The following DNAJC13 variants were observed in gnomAD, a reference collection of about 807,000 sequenced individuals.
DNAJC13 encodes DnaJ heat shock protein family (Hsp40) member C13, also known as dnaJ homolog subfamily C member 13.
A neutral mutation model predicts 290.5 loss-of-function variants in DNAJC13; 75 were observed. That is an observed-to-expected ratio of 0.26 (90% CI 0.21 to 0.31). The LOEUF (loss-of-function observed/expected upper bound fraction) is 0.31. DNAJC13 is among the 10% of genes least tolerant of loss of function. The pLI, the probability that DNAJC13 is intolerant of heterozygous loss-of-function variation, is 1.00. For missense variants in DNAJC13, 2,260 were observed against 2,674.5 expected, an observed-to-expected ratio of 0.85 and a Z score of 3.42; for synonymous variants, 862 against 892.0, an observed-to-expected ratio of 0.97 and a Z score of 0.60.
intron 37 of DNAJC13, among the ~76,000 whole-genome samples, chr3:132,499,520 A>G (rs1040759586): frequency 6.6e-6 from 1 of 152,224 alleles, no homozygotes; most frequent in Admixed American, 6.5e-5. Context: ...CAAAACCGAT[A>G]ATGGTAATAT....
chr3:132,447,746 T>C lies in DNAJC13; in HGVS notation c.295-152T>C, dbSNP rs1216649686. 5.8e-6 allele frequency: 4 copies of C among 692,872 alleles called. No homozygotes were observed. The African/African-American group carries it at 7.5e-5, about 13-fold the overall frequency. The allele number at this position is 692,872 out of a possible 1,614,324, so 42.9% of individuals were successfully genotyped here. A position where few individuals can be genotyped will look rare whatever the true frequency, so the allele number is the denominator to read the frequency against. ...TTCTTCAATAAGGTTTCATACTCTTTTTATTGAATATTCTTAAACTATAAC... is the reference window on the plus strand; with the variant it reads ...TTCTTCAATAAGGTTTCATACTCTTCTTATTGAATATTCTTAAACTATAAC... On this transcript the variant is annotated intron_variant, in intron 4 of 55. Transcript: ENST00000260818.
At chr3:132,429,404 TTAC>T (rs2107644774) in intron 1 of DNAJC13, among the ~76,000 whole-genome samples, 1 of 152,270 alleles carries the variant, frequency 6.6e-6, no homozygotes, top group East Asian at 1.9e-4. Context: ...GCCCAATCGC[TTAC>T]CAGCTGTGTT....
rs770489752 is a variant in DNAJC13 at position 132,511,083 on chromosome 3, C to T, written c.5132C>T (p.Ala1711Val). The T allele has an allele frequency of 1.1e-5, 17 of 1,613,608 alleles. No individual in the cohort carries two copies. In the South Asian group the frequency reaches 1.6e-4, roughly 16 times the overall value. Residue 1711 changes from alanine to valine, a missense_variant, in exon 44 of 56, where the codon GCT becomes GTT. This residue lies in a region of DNAJC13 where 1,494 missense variants were observed against 1,693.7 expected (regional missense o/e 0.88). Transcript: ENST00000260818. Reference protein sequence around the residue: ...TFQLEVPKAFAASLLDYIGSQ... With the variant: ...TFQLEVPKAFVASLLDYIGSQ... The stretch of plus-strand genomic sequence containing the variant: ...ATTGATTAGGTTCCAAAAGCATTTG[C>T]TGCAAGTCTCTTGGATTATATAGGC...
At chr3:132,504,944 C>G (rs1194631255) in intron 41 of DNAJC13, among the ~76,000 whole-genome samples, 1 of 152,102 alleles carries the variant, frequency 6.6e-6, no homozygotes, top group African/African-American at 2.4e-5. Flanking sequence ...TGTTGTGATT[C>G]TTTTCAAGCT....
At chr3:132,491,992 C>T (rs1473313927) in intron 32 of DNAJC13, among the ~76,000 whole-genome samples, 1 of 152,136 alleles carries the variant, frequency 6.6e-6, no homozygotes, top group Admixed American at 6.5e-5. Context: ...ACGAATTGCT[C>T]TATGTGCTGA....
In DNAJC13 at chr3:132,523,148, T is replaced by C. The variant is rs1936143171; in HGVS notation, c.5844-9T>C. On this transcript the variant is annotated splice_polypyrimidine_tract_variant and intron_variant, in intron 49 of 55. Transcript: ENST00000260818. ...TGAAGTTTGGTATCCATCCCTTTTTTTCCCCAAGGCACTTTAAAAATCAGC... is the reference window on the plus strand; with the variant it reads ...TGAAGTTTGGTATCCATCCCTTTTTCTCCCCAAGGCACTTTAAAAATCAGC... 1.2e-6 allele frequency: 2 copies of C among 1,613,936 alleles called. No homozygotes were observed. The highest frequency in any genetic ancestry group is 1.7e-6 in the Non-Finnish European group (2 of 1,179,886).
In DNAJC13 at chr3:132,466,402, T is replaced by C; in HGVS notation, c.2064+8T>C. On this transcript the variant is annotated splice_region_variant and intron_variant, in intron 19 of 55. Transcript: ENST00000260818. ...AATGTGAAAATAGCAATGGTAAATA[T>C]GACTGTCCCAAGTGTGCCTTTTTTA... 2 of 1,582,036 alleles carry C rather than the reference T, an allele frequency of 1.3e-6. No individual in the cohort carries two copies. The highest frequency in any genetic ancestry group is 1.7e-6 in the Non-Finnish European group (2 of 1,169,150).
chr3:132,456,260 G>T lies in DNAJC13; in HGVS notation c.958G>T (p.Asp320Tyr). The T allele has an allele frequency of 6.2e-7, 1 of 1,613,334 alleles. No individual in the cohort carries two copies. The highest frequency in any genetic ancestry group is 1.1e-5 in the South Asian group (1 of 90,926). The part of the protein sequence containing the change: ...ERDSLLASLL[D>Y]GVRASGNRDV... ...AGATTCCTTATTAGCAAGTTTGCTG[G>T]ATGGAGTAAGAGCCTCTGGTAATAG... is the stretch of plus-strand genomic sequence containing the variant. The change falls in exon 10 of 56, where the codon GAT becomes TAT. Residue 320 changes from aspartate to tyrosine, a missense_variant. Around this residue, in one of 3 missense-constraint regions of DNAJC13, gnomAD observed 762 missense variants for 964.1 expected, o/e 0.79. Coordinates refer to ENST00000260818, the MANE Select transcript of DNAJC13 (RefSeq NM_015268.4).
chr3:132,535,516 C>A (rs1936563490), intron 55 of DNAJC13, among the ~76,000 whole-genome samples: 1 of 152,050 alleles, frequency 6.6e-6, no homozygotes, highest in African/African-American at 2.4e-5. Flanking sequence ...GGTCTCAGAG[C>A]CTCATAAAAA....
intron 21 of DNAJC13, among the ~76,000 whole-genome samples, chr3:132,473,509 T>C (rs1934358067): frequency 2.0e-5 from 3 of 152,196 alleles, no homozygotes. Context: ...TTAGAAATAA[T>C]TGCATACTTC....
At chr3:132,450,468 T>G (rs756653180) in intron 5 of DNAJC13, among the ~76,000 whole-genome samples, 179 bp from the exon 6 acceptor site, 4 of 152,150 alleles carry the variant, frequency 2.6e-5, no homozygotes, top group Non-Finnish European at 4.4e-5. Context: ...GTGTGAACAT[T>G]CTTAAACACC....
intron 20 of DNAJC13, among the ~76,000 whole-genome samples, chr3:132,469,980 T>A (rs946689769): frequency 3.0e-5 from 4 of 132,414 alleles, no homozygotes; most frequent in Non-Finnish European, 4.8e-5. Context: ...TTTTTTTTTT[T>A]TTTTTTTTTT....
intron 1 of DNAJC13, among the ~76,000 whole-genome samples, chr3:132,420,627 G>T (rs1938927522): frequency 6.6e-6 from 1 of 150,908 alleles, no homozygotes; most frequent in African/African-American, 2.4e-5. Context: ...AAAGGAACAA[G>T]ATTATGCAAA....
At position 132,454,431 on chromosome 3, in the gene DNAJC13, C is replaced by T. The variant is rs562271262; in HGVS notation, c.932+274C>T. On this transcript the variant is annotated intron_variant, in intron 9 of 55. Coordinates refer to ENST00000260818, the MANE Select transcript of DNAJC13 (RefSeq NM_015268.4). ...CCATCTCCCGGGTTCAAGCAATTCT[C>T]CTGCCGCAGCCTCACAAGTAGCTGG... Among the ~76,000 whole-genome samples the T allele has an allele frequency of 3.4e-5, 5 of 148,886 alleles. No homozygotes were observed. The South Asian group carries it at 1.1e-3, about 32-fold the overall frequency.
At chr3:132,523,886 A>G (rs932642059) in intron 51 of DNAJC13, 173 bp downstream of exon 51, 11 of 609,942 alleles carry the variant, frequency 1.8e-5, no homozygotes, top group Non-Finnish European at 3.0e-5. Flanking sequence ...GCCATGTTCA[A>G]AAGTGAAGCT....
At position 132,513,017 on chromosome 3, in the gene DNAJC13, G is replaced by C. The variant is rs754524185; in HGVS notation, c.5303G>C (p.Ser1768Thr). 6.2e-7 allele frequency: 1 copy of C among 1,612,702 alleles called. No individual in the cohort carries two copies. The highest frequency in any genetic ancestry group is 8.5e-7 in the Non-Finnish European group (1 of 1,178,868). ...NVIKYNPGSE[S>T]ECIGHFKLIF... is the part of the protein sequence containing the mutation. ...TATTCTTATTCTCTAGGTTCTGAGA[G>C]TGAATGCATTGGGCACTTTAAGTTG... Residue 1768 changes from serine (S) to threonine (T), a missense_variant, in exon 45 of 56, where the codon AGT becomes ACT. Transcript: ENST00000260818.
At chr3:132,462,337 A>G (rs1933826161) in intron 15 of DNAJC13, 130 bp from the exon 16 acceptor site, 1 of 773,746 alleles carries the variant, frequency 1.3e-6, no homozygotes, top group Admixed American at 2.8e-5. Flanking sequence ...TGACTTTGAG[A>G]TGTATCCTTT....
At chr3:132,471,998 C>A (rs1934286234) in intron 20 of DNAJC13, among the ~76,000 whole-genome samples, 1 of 149,194 alleles carries the variant, frequency 6.7e-6, no homozygotes, top group Non-Finnish European at 1.5e-5. Flanking sequence ...AATCCCGGCA[C>A]CTCGGGAGGC....
intron 2 of DNAJC13, among the ~76,000 whole-genome samples, chr3:132,437,559 G>A (rs1479607962): frequency 6.6e-6 from 1 of 152,066 alleles, no homozygotes; most frequent in Non-Finnish European, 1.5e-5. Context: ...AGCATCATTT[G>A]TTGAAAAAAC....
Sources: gnomAD v4.1 joint callset for allele counts (sites outside exome capture counted in the v4.1 genomes callset) on GRCh38, gnomAD v4.1.1 for gene constraint, gnomAD v4.1.1 regional missense constraint, MANE v1.5 for transcripts, NCBI Gene and HGNC (gene_info 2026-07-23, HGNC 2026-07-21) for gene names.